NPAT: variants seen among roughly 807,000 people sequenced by gnomAD.
NPAT encodes the protein protein NPAT.
A neutral mutation model predicts 130.7 loss-of-function variants in NPAT; 52 were observed. That is an observed-to-expected ratio of 0.40 (90% CI 0.32 to 0.50). NPAT has a LOEUF of 0.50. NPAT is among the 20% of genes least tolerant of loss of function. The probability of loss-of-function intolerance (pLI) is 0.68; values close to 1 mark genes in which losing one functional copy is unlikely to be tolerated. For synonymous variants in NPAT, 580 were observed against 584.8 expected, an observed-to-expected ratio of 0.99 and a Z score of 0.12; for missense variants, 1,687 against 1,662.6, an observed-to-expected ratio of 1.01 and a Z score of -0.26.
At chr11:108,217,849 C>G (rs373275279) in intron 1 of NPAT, among the ~76,000 whole-genome samples, 1 of 151,970 alleles carries the variant, frequency 6.6e-6, no homozygotes, top group East Asian at 1.9e-4. Flanking sequence ...AAAAATTAGC[C>G]GGGCGTGGTG....
intron 1 of NPAT, among the ~76,000 whole-genome samples, chr11:108,217,142 G>A (rs2078442480): frequency 6.6e-6 from 1 of 152,286 alleles, no homozygotes; most frequent in Admixed American, 6.5e-5. Flanking sequence ...GTTAACTGGT[G>A]TGTCTAAATT....
In NPAT at chr11:108,176,904, A is replaced by G. The variant is rs1390288217; in HGVS notation, c.1003+90T>C. On this transcript the variant is annotated intron_variant, in intron 11 of 17. Transcript: ENST00000278612. ...AATGAAAACAAGAACTTTTTTAGAT[A>G]CTCTGGGGAATGTTGATTCACTCTG... 7 of 792,640 alleles carry G rather than the reference A, an allele frequency of 8.8e-6. No homozygotes were observed. In the Admixed American group the frequency reaches 1.2e-4, roughly 13 times the overall value. 49.1% of individuals were successfully genotyped at this position (792,640 alleles called of 1,614,324 possible).
intron 4 of NPAT, among the ~76,000 whole-genome samples, chr11:108,191,524 A>G (rs1300976068): frequency 2.0e-5 from 3 of 152,242 alleles, no homozygotes; most frequent in African/African-American, 7.2e-5. Context: ...TCCAGAGTTA[A>G]GAAGAAAGCA....
intron 1 of NPAT, among the ~76,000 whole-genome samples, chr11:108,209,812 C>A (rs1415964025): frequency 6.8e-6 from 1 of 147,240 alleles, no homozygotes; most frequent in African/African-American, 2.5e-5. Flanking sequence ...TGGCATGAAC[C>A]TGGGAGGCAG....
At chr11:108,217,019 A>T (rs1591422150) in intron 1 of NPAT, among the ~76,000 whole-genome samples, 1 of 152,196 alleles carries the variant, frequency 6.6e-6, no homozygotes, top group East Asian at 1.9e-4. Context: ...GAGAGAAAAA[A>T]ATCAATTTCT....
rs1265513406 is a variant in NPAT, at chr11:108,161,722, G to C, written c.3364C>G (p.Pro1122Ala). ...NNAIKREKEK[P>A]PLPKILSKSE... ...TTAGATAAAATCTTAGGCAGAGGAG[G>C]CTTCTCTTTCTCTCTTTTGATAGCA... The change falls in exon 17 of 18, where the codon CCT becomes GCT. Residue 1122 changes from proline to alanine, a missense_variant. Pro to Ala is a conservative substitution (Grantham distance 27). Coordinates refer to ENST00000278612, the MANE Select transcript of NPAT (RefSeq NM_002519.3). The C allele has an allele frequency of 6.2e-7, 1 of 1,613,692 alleles. No individual in the cohort carries two copies. The highest frequency in any genetic ancestry group is 1.1e-5 in the South Asian group (1 of 91,080).
intron 1 of NPAT, among the ~76,000 whole-genome samples, chr11:108,217,610 C>CTA (rs1375571341): frequency 1.3e-5 from 2 of 152,172 alleles, no homozygotes; most frequent in Non-Finnish European, 1.5e-5. Flanking sequence ...AAGTATCTGA[C>CTA]TATAACCAAT....
rs2078098313 is a variant in NPAT, at chr11:108,185,435, C to T, written c.786G>A (p.Lys262=). 6.2e-7 allele frequency: 1 copy of T among 1,611,102 alleles called. No individual in the cohort carries two copies. The highest frequency in any genetic ancestry group is 1.3e-5 in the African/African-American group (1 of 74,864). Reference sequence around the variant, plus strand: ...AAAATTTATTTATGTTTTCTGCTAGCTTTTCTTGAAGAGATTTGTTGCTTA... The same window carrying T: ...AAAATTTATTTATGTTTTCTGCTAGTTTTTCTTGAAGAGATTTGTTGCTTA... ...KILSNKSLQE[K]LAENINKFLT... Residue 262 remains lysine (K), a synonymous_variant, in exon 9 of 18, where the codon AAG becomes AAA. Transcript: ENST00000278612.
intron 6 of NPAT, 22 bp downstream of exon 6, chr11:108,189,084 A>G: frequency 6.3e-7 from 1 of 1,581,538 alleles, no homozygotes; most frequent in Non-Finnish European, 8.7e-7. Flanking sequence ...ACAAAATTTA[A>G]GAGAACAAAA....
chr11:108,206,474 C>G (rs1209512904), intron 1 of NPAT, among the ~76,000 whole-genome samples: 1 of 152,174 alleles, frequency 6.6e-6, no homozygotes, highest in Non-Finnish European at 1.5e-5. Context: ...TATCCAGGCA[C>G]TGGCTCCCTG....
chr11:108,214,982 C>T (rs1278244820), intron 1 of NPAT, among the ~76,000 whole-genome samples: 4 of 152,102 alleles, frequency 2.6e-5, no homozygotes, highest in African/African-American at 9.7e-5. Context: ...TTGCTTTGTA[C>T]CCTAATTTCC....
rs2077856170 is a variant in NPAT at position 108,161,957 on chromosome 11, G to A, written c.3129C>T (p.Thr1043=). The A allele has an allele frequency of 1.9e-6, 3 of 1,603,802 alleles. No homozygotes were observed. Among genetic ancestry groups the A allele is most frequent in the Non-Finnish European group, 2.6e-6 (3 of 1,175,634 alleles). Residue 1043 remains threonine, a synonymous_variant, in exon 17 of 18, where the codon ACC becomes ACT. Transcript: ENST00000278612. ...ATDLGKKSEE[T]TVPFPEESIV... ...TACTCTCTTCTGGGAAGGGAACTGT[G>A]GTTTCTTCTGATTTTTTCCCAAGAT...
At chr11:108,175,115 G>A (rs1184476948) in intron 12 of NPAT, among the ~76,000 whole-genome samples, 1 of 152,184 alleles carries the variant, frequency 6.6e-6, no homozygotes, top group African/African-American at 2.4e-5. Flanking sequence ...AAAAATAGGT[G>A]AGTACAGTAC....
chr11:108,168,591 T>C (rs915734687), intron 15 of NPAT, among the ~76,000 whole-genome samples: 3 of 152,232 alleles, frequency 2.0e-5, no homozygotes, highest in Non-Finnish European at 4.4e-5. Context: ...CAATGTAATG[T>C]GTTAAGTGCT....
At chr11:108,210,208 G>T (rs564590421) in intron 1 of NPAT, among the ~76,000 whole-genome samples, 2 of 152,038 alleles carry the variant, frequency 1.3e-5, no homozygotes, top group South Asian at 4.2e-4. Context: ...ACAATTTAGA[G>T]AATCTAGATG....
chr11:108,181,737 T>TAA (rs111247716), intron 10 of NPAT, among the ~76,000 whole-genome samples: 10 of 139,850 alleles, frequency 7.2e-5, no homozygotes, highest in East Asian at 6.1e-4. Context: ...GAGGTCATAA[T>TAA]AAAAAAAAAA....
At position 108,172,586 on chromosome 11, in the gene NPAT, C is replaced by T. The variant is rs779511551; in HGVS notation, c.2398G>A (p.Val800Ile). The change falls in exon 13 of 18, where the codon GTA (valine) becomes ATA (isoleucine). Residue 800 changes from valine to isoleucine, a missense_variant. Val to Ile is a conservative substitution (Grantham distance 29, BLOSUM62 3). Transcript: ENST00000278612. ...LSSEETVGAV[V>I]YAEVGDSASM... The stretch of plus-strand genomic sequence containing the variant: ...GCTGAATCCCCTACTTCGGCATATA[C>T]AACAGCACCTACAGTTTCTTCTGAA... 6.2e-7 allele frequency: 1 copy of T among 1,614,214 alleles called. No individual in the cohort carries two copies.
In NPAT at chr11:108,172,358, T is replaced by C; in HGVS notation, c.2626A>G (p.Thr876Ala). 1.2e-6 allele frequency: 2 copies of C among 1,614,230 alleles called. No homozygotes were observed. The highest frequency in any genetic ancestry group is 1.7e-6 in the Non-Finnish European group (2 of 1,180,040). Residue 876 changes from threonine (T) to alanine (A), a missense_variant, in exon 13 of 18, where the codon ACA (threonine) becomes GCA (alanine). By Grantham distance (58) the Thr-to-Ala change is moderately conservative. This residue lies in a region of NPAT where 1,379 missense variants were observed against 1,346.6 expected (regional missense o/e 1.02). Coordinates refer to ENST00000278612, the MANE Select transcript of NPAT (RefSeq NM_002519.3). ...TGACTTACAGATGTTCCTAACGCTG[T>C]TGGATCAGTCACACAGGTAGCTATC... ...ILIATCVTDP[T>A]ALGTSVSQSN...
chr11:108,182,691 T>C (rs893779384), intron 10 of NPAT, among the ~76,000 whole-genome samples: 1 of 152,222 alleles, frequency 6.6e-6, no homozygotes, highest in African/African-American at 2.4e-5. Context: ...GGTTTCGCCA[T>C]GTGGGCAAGG....
Sources: gnomAD v4.1 joint callset for allele counts (sites outside exome capture counted in the v4.1 genomes callset) on GRCh38, gnomAD v4.1.1 for gene constraint, gnomAD v4.1.1 regional missense constraint, MANE v1.5 for transcripts, NCBI Gene and HGNC (gene_info 2026-07-23, HGNC 2026-07-21) for gene names.